The following TBC1D22A variants were observed in gnomAD, a reference collection of about 807,000 sequenced individuals.
TBC1D22A encodes TBC1 domain family member 22A.
TBC1D22A carries 38 observed loss-of-function variants against 60.2 expected under a neutral mutation model. The observed-to-expected ratio is 0.63, with a 90% confidence interval of 0.49 to 0.83. The LOEUF is 0.83. TBC1D22A is among the 40% of genes least tolerant of loss of function. The pLI, the probability that TBC1D22A is intolerant of heterozygous loss-of-function variation, is 0.00. For missense variants in TBC1D22A, 628 were observed against 701.0 expected, an observed-to-expected ratio of 0.90 and a Z score of 1.18; for synonymous variants, 302 against 281.7, an observed-to-expected ratio of 1.07 and a Z score of -0.72.
intron 4 of TBC1D22A, among the ~76,000 whole-genome samples, chr22:46,811,033 G>A (rs1601960499): frequency 6.6e-6 from 1 of 152,328 alleles, no homozygotes; most frequent in Middle Eastern, 3.4e-3. Flanking sequence ...CCATCATGCG[G>A]CTGTCATCCA....
rs183690231 is a variant in TBC1D22A, at chr22:46,773,025, C to T, written c.62+10177C>T. ...TTCCCTGAACGGCCACAGTGTAGCA[C>T]GGCCTGCCTGTGGCTAGGACAAGGG... On this transcript the variant is annotated intron_variant, in intron 1 of 12. Coordinates refer to ENST00000337137, the MANE Select transcript of TBC1D22A (RefSeq NM_014346.5). 1.5e-3 allele frequency among the ~76,000 whole-genome samples: 235 copies of T among 152,324 alleles called. 3 individuals carry two copies. Among genetic ancestry groups the T allele is most frequent in the East Asian group, 3.1e-3 (16 of 5,182 alleles).
At chr22:47,155,270 G>A (rs970502735) in intron 12 of TBC1D22A, among the ~76,000 whole-genome samples, 1 of 152,140 alleles carries the variant, frequency 6.6e-6, no homozygotes, top group Non-Finnish European at 1.5e-5. Context: ...TGCCATGAGA[G>A]ACTCCTCGGA....
At chr22:47,140,841 C>G (rs189894062) in intron 12 of TBC1D22A, among the ~76,000 whole-genome samples, 3 of 152,204 alleles carry the variant, frequency 2.0e-5, no homozygotes. Flanking sequence ...TGCCCCTACC[C>G]CAAAAAAACC....
intron 11 of TBC1D22A, among the ~76,000 whole-genome samples, chr22:47,051,443 T>A (rs1438354744): frequency 6.6e-6 from 1 of 152,206 alleles, no homozygotes; most frequent in Non-Finnish European, 1.5e-5. Context: ...TCCTCAGCCG[T>A]GCTCTCTGGA....
chr22:47,118,932 T>A (rs999673407), intron 12 of TBC1D22A, among the ~76,000 whole-genome samples: 1 of 152,128 alleles, frequency 6.6e-6, no homozygotes, highest in African/African-American at 2.4e-5. Flanking sequence ...CGCGTGATCA[T>A]GAGGTCAGGA....
intron 4 of TBC1D22A, among the ~76,000 whole-genome samples, chr22:46,848,953 C>T (rs148984214): frequency 1.7e-4 from 26 of 151,850 alleles, no homozygotes; most frequent in African/African-American, 6.0e-4. Context: ...GGACCCTTAA[C>T]CAGTGCACCC....
chr22:46,876,629 A>T (rs1210417432), intron 4 of TBC1D22A, among the ~76,000 whole-genome samples: 1 of 152,074 alleles, frequency 6.6e-6, no homozygotes. Context: ...GCCTCCAGGA[A>T]CTTCCCAAGA....
chr22:46,799,115 C>T (rs2084788947), intron 4 of TBC1D22A, among the ~76,000 whole-genome samples: 1 of 152,078 alleles, frequency 6.6e-6, no homozygotes, highest in African/African-American at 2.4e-5. Flanking sequence ...AAAATGAGGC[C>T]TGTCCCAGCC....
At chr22:47,048,309 AT>A (rs1038566340) in intron 11 of TBC1D22A, among the ~76,000 whole-genome samples, 9 of 152,130 alleles carry the variant, frequency 5.9e-5, no homozygotes, top group African/African-American at 1.9e-4. Context: ...AGGGTCACCC[AT>A]GGTTGCTGTC....
chr22:46,762,690 A>T lies in TBC1D22A; in HGVS notation c.-97A>T, dbSNP rs1041241794. On this transcript the variant is annotated 5_prime_UTR_variant, in exon 1 of 13. Transcript: ENST00000337137. Reference sequence around the variant, plus strand: ...CTCTAGGCTCTGGAGTCCCGGGAGCAGTGAGGGGCCACCCGGGGCACAGGA... The same window carrying T: ...CTCTAGGCTCTGGAGTCCCGGGAGCTGTGAGGGGCCACCCGGGGCACAGGA... 4 of 1,046,728 alleles carry T rather than the reference A, an allele frequency of 3.8e-6. No homozygotes were observed. Among genetic ancestry groups the T allele is most frequent in the African/African-American group, 3.4e-5 (2 of 59,046 alleles). 64.8% of individuals were successfully genotyped at this position (1,046,728 alleles called of 1,614,324 possible).
chr22:46,972,353 C>G (rs2074099437), intron 8 of TBC1D22A, among the ~76,000 whole-genome samples: 1 of 152,204 alleles, frequency 6.6e-6, no homozygotes, highest in Non-Finnish European at 1.5e-5. Flanking sequence ...GCCCACGGGA[C>G]CGGCTCTCTG....
In TBC1D22A at chr22:46,801,791, G is replaced by A. The variant is rs79105664; in HGVS notation, c.637+4171G>A. Reference sequence around the variant, plus strand: ...AGGAGTGGGGCCAGGCCACGGCTGTGTTCCACTTCCCCTGAGGGGTGACCA... The same window carrying A: ...AGGAGTGGGGCCAGGCCACGGCTGTATTCCACTTCCCCTGAGGGGTGACCA... On this transcript the variant is annotated intron_variant, in intron 4 of 12. Transcript: ENST00000337137. Among the ~76,000 whole-genome samples, 4 of 152,386 alleles carry A rather than the reference G, an allele frequency of 2.6e-5. No individual in the cohort carries two copies. The East Asian group carries it at 5.8e-4, about 22-fold the overall frequency.
intron 12 of TBC1D22A, among the ~76,000 whole-genome samples, chr22:47,125,213 C>T (rs1477334095): frequency 6.6e-6 from 1 of 152,162 alleles, no homozygotes; most frequent in Non-Finnish European, 1.5e-5. Context: ...ATGCACCCCC[C>T]TGGGTTCCTC....
intron 10 of TBC1D22A, among the ~76,000 whole-genome samples, chr22:47,031,166 G>A (rs887938228): frequency 3.3e-5 from 5 of 152,196 alleles, no homozygotes; most frequent in Admixed American, 3.3e-4. Context: ...CTCTGGGTGG[G>A]CGTGGGTTTT....
At chr22:46,900,148 G>GT (rs2068907130) in intron 7 of TBC1D22A, among the ~76,000 whole-genome samples, 1 of 150,644 alleles carries the variant, frequency 6.6e-6, no homozygotes, top group African/African-American at 2.5e-5. Context: ...TGACAGCTGT[G>GT]GTTTTTTTTT....
intron 4 of TBC1D22A, among the ~76,000 whole-genome samples, chr22:46,847,468 G>T (rs747536221): frequency 6.6e-6 from 1 of 152,202 alleles, no homozygotes; most frequent in Non-Finnish European, 1.5e-5. Flanking sequence ...TGTTTGTCAA[G>T]AACATTTTCT....
chr22:47,149,714 G>T (rs2067429734), intron 12 of TBC1D22A, among the ~76,000 whole-genome samples: 1 of 152,264 alleles, frequency 6.6e-6, no homozygotes, highest in South Asian at 2.1e-4. Flanking sequence ...GGAAGAAGGG[G>T]CTGGCACTGG....
chr22:46,917,420 C>CTGCTGTGAGGGCACCAAGGTGGCT, intron 8 of TBC1D22A, among the ~76,000 whole-genome samples: 1 of 152,094 alleles, frequency 6.6e-6, no homozygotes, highest in Non-Finnish European at 1.5e-5. Flanking sequence ...GTCAAATAGG[C>CTGCTGTGAGGGCACCAAGGTGGCT]TGCTGTGAGG....
intron 5 of TBC1D22A, among the ~76,000 whole-genome samples, chr22:46,885,599 G>A (rs1013216203): frequency 6.6e-6 from 1 of 152,222 alleles, no homozygotes; most frequent in African/African-American, 2.4e-5. Flanking sequence ...GGGTCTGGAT[G>A]AAGCCTGTGG....
Sources: gnomAD v4.1 joint callset for allele counts (sites outside exome capture counted in the v4.1 genomes callset) on GRCh38, gnomAD v4.1.1 for gene constraint, MANE v1.5 for transcripts, NCBI Gene and HGNC (gene_info 2026-07-23, HGNC 2026-07-21) for gene names.